Variants in EYS observed in about 807,000 individuals in gnomAD.
EYS encodes the protein EGF-like photoreceptor maintenance factor, also known as protein eyes shut homolog.
Under a neutral mutation model 282.1 loss-of-function variants are expected in EYS, and 250 were observed. The ratio of observed to expected loss-of-function variants is 0.89; its 90% CI spans 0.80 to 0.98. The LOEUF (loss-of-function observed/expected upper bound fraction) is 0.98, where lower values mean the gene tolerates loss of function less well. EYS is among the 50% of genes least tolerant of loss of function. EYS has a pLI of 0.00. For synonymous variants in EYS, 1,355 were observed against 1,282.9 expected (o/e 1.06, Z -1.20); for missense variants, 4,016 against 3,709.0 (o/e 1.08, Z -2.15).
intron 26 of EYS, among the ~76,000 whole-genome samples, chr6:64,440,889 G>A (rs1022945691): frequency 6.6e-6 from 1 of 152,060 alleles, no homozygotes. Context: ...AACTATGGAT[G>A]AATTTCACTC....
chr6:65,565,994 T>C (rs1486893757), intron 2 of EYS, among the ~76,000 whole-genome samples: 3 of 151,628 alleles, frequency 2.0e-5, no homozygotes, highest in African/African-American at 7.3e-5. Context: ...AAATACCTAA[T>C]GTAGATGATG....
chr6:63,977,496 A>G (rs1766895064), intron 35 of EYS, among the ~76,000 whole-genome samples: 1 of 152,028 alleles, frequency 6.6e-6, no homozygotes, highest in Admixed American at 6.6e-5. Flanking sequence ...GCAACTCCCA[A>G]TCCCAGAAAG....
intron 33 of EYS, among the ~76,000 whole-genome samples, chr6:64,041,422 G>A (rs966816333): frequency 1.3e-5 from 2 of 152,178 alleles, no homozygotes; most frequent in Non-Finnish European, 2.9e-5. Flanking sequence ...GCAGCCTTCA[G>A]TATTGCTCGT....
In EYS at chr6:65,108,873, T is replaced by C. The variant is rs1775123066; in HGVS notation, c.2024-51146A>G. On this transcript the variant is annotated intron_variant, in intron 12 of 42. Transcript: ENST00000503581. ...ACAATTGCCTGAGATCAGTGTTTTTTTTCTTTTCAATATTTATTCTTTCTG... is the reference window on the plus strand; with the variant it reads ...ACAATTGCCTGAGATCAGTGTTTTTCTTCTTTTCAATATTTATTCTTTCTG... 2.0e-5 allele frequency among the ~76,000 whole-genome samples: 3 copies of C among 152,240 alleles called. No individual in the cohort carries two copies. In the South Asian group the frequency reaches 6.2e-4, roughly 32 times the overall value.
intron 12 of EYS, among the ~76,000 whole-genome samples, chr6:65,251,182 TAATA>T (rs140509869): frequency 0.035 from 5,263 of 151,456 alleles, 123 homozygotes; most frequent in African/African-American, 0.064. Context: ...TAGGAATATT[TAATA>T]AATAAAGACA....
intron 31 of EYS, among the ~76,000 whole-genome samples, chr6:64,149,891 A>G (rs561703848): frequency 1.3e-5 from 2 of 152,302 alleles, no homozygotes; most frequent in East Asian, 3.9e-4. Context: ...CTGAATAATT[A>G]ATGCCCTGCC....
At chr6:65,249,972 GA>G (rs1306075485) in intron 12 of EYS, among the ~76,000 whole-genome samples, 2 of 152,056 alleles carry the variant, frequency 1.3e-5, no homozygotes, top group African/African-American at 4.8e-5. Context: ...AGATTGTGCA[GA>G]AATCCGTGTA....
At chr6:65,277,357 C>T (rs1033546957) in intron 12 of EYS, among the ~76,000 whole-genome samples, 20 of 151,026 alleles carry the variant, frequency 1.3e-4, no homozygotes, top group African/African-American at 4.9e-4. Flanking sequence ...CGCTTGAACC[C>T]GGGAGCCAGA....
chr6:65,378,723 T>C (rs1216487755), intron 8 of EYS, among the ~76,000 whole-genome samples: 1 of 152,178 alleles, frequency 6.6e-6, no homozygotes, highest in African/African-American at 2.4e-5. Context: ...GATGAGTTAA[T>C]GTTCTTTGCA....
rs376945542 is a variant in EYS at position 64,332,700 on chromosome 6, C to T, written c.6079-25618G>A. ...TGCTCCATCCACACTGGAGGCTGGT[C>T]GGTCCACGCACAGCTGAAGCTTAAG... On this transcript the variant is annotated intron_variant, in intron 29 of 42. Coordinates refer to ENST00000503581, the MANE Select transcript of EYS (RefSeq NM_001142800.2). Among the ~76,000 whole-genome samples the T allele has an allele frequency of 1.6e-4, 25 of 152,270 alleles. No individual in the cohort carries two copies. The East Asian group carries it at 2.5e-3, about 15-fold the overall frequency.
At chr6:65,072,185 G>T (rs562164744) in intron 12 of EYS, among the ~76,000 whole-genome samples, 1 of 151,896 alleles carries the variant, frequency 6.6e-6, no homozygotes, top group Admixed American at 6.6e-5. Flanking sequence ...AGCTGCCTCA[G>T]TTGTCTTCCC....
chr6:65,440,378 A>AC (rs1491526047), intron 5 of EYS, among the ~76,000 whole-genome samples: 6 of 70,156 alleles, frequency 8.6e-5, no homozygotes, highest in African/African-American at 1.6e-4. Context: ...AACCTTCAAT[A>AC]AAAAAAAAAA....
intron 37 of EYS, among the ~76,000 whole-genome samples, chr6:63,801,097 T>C (rs548389784): frequency 5.9e-5 from 9 of 152,306 alleles, no homozygotes; most frequent in African/African-American, 2.2e-4. Flanking sequence ...TATGCTATGA[T>C]GAAACATGTT....
rs58843584 is a variant in EYS, at chr6:63,827,850, C to CAAA, written c.7229-21481_7229-21479dup. On this transcript the variant is annotated intron_variant, in intron 36 of 42. Coordinates refer to ENST00000503581, the MANE Select transcript of EYS (RefSeq NM_001142800.2). ...TGGGCGACAGAGCAAGACTCCGTCT[C>CAAA]AAAAAAAAAAAAAAAAAAAAAGAAA... Among the ~76,000 whole-genome samples the CAAA allele has an allele frequency of 9.4e-3, 797 of 84,954 alleles. 3 individuals carry two copies. The highest frequency in any genetic ancestry group is 0.034 in the African/African-American group (769 of 22,820). The allele number at this position is 84,954 out of a possible 152,430, so 55.7% of individuals were successfully genotyped here.
At chr6:64,702,611 A>G (rs1770830977) in intron 22 of EYS, among the ~76,000 whole-genome samples, 1 of 152,122 alleles carries the variant, frequency 6.6e-6, no homozygotes, top group South Asian at 2.1e-4. Context: ...CCTGTGTAAT[A>G]ACTGCTTTCA....
intron 22 of EYS, among the ~76,000 whole-genome samples, chr6:64,779,479 G>T (rs1208783486): frequency 6.6e-6 from 1 of 152,118 alleles, no homozygotes; most frequent in Non-Finnish European, 1.5e-5. Context: ...TTTGCCAGGA[G>T]TTGGGTTGGG....
At chr6:65,650,858 C>A (rs1767626952) in intron 1 of EYS, among the ~76,000 whole-genome samples, 1 of 151,986 alleles carries the variant, frequency 6.6e-6, no homozygotes, top group African/African-American at 2.4e-5. Flanking sequence ...CTAGGAGGTT[C>A]CTTTTAAAAT....
intron 22 of EYS, among the ~76,000 whole-genome samples, chr6:64,777,971 C>A (rs1489944495): frequency 1.3e-5 from 2 of 151,942 alleles, no homozygotes; most frequent in African/African-American, 4.8e-5. Context: ...GAGATTCCAA[C>A]CCAATTAAAC....
chr6:63,884,052 C>T (rs942697045), intron 35 of EYS, among the ~76,000 whole-genome samples: 1 of 152,128 alleles, frequency 6.6e-6, no homozygotes, highest in Admixed American at 6.6e-5. Context: ...ATTATAAGCT[C>T]CAGGAGAGCA....
Sources: gnomAD v4.1 joint callset for allele counts (sites outside exome capture counted in the v4.1 genomes callset) on GRCh38, gnomAD v4.1.1 for gene constraint, MANE v1.5 for transcripts, NCBI Gene and HGNC (gene_info 2026-07-23, HGNC 2026-07-21) for gene names.